Variants in POLN observed in about 807,000 individuals in gnomAD.
The protein encoded by POLN is DNA polymerase nu.
POLN carries 108 observed loss-of-function variants against 113.5 expected under a neutral mutation model. That is an observed-to-expected ratio of 0.95 (90% CI 0.81 to 1.12). The LOEUF (loss-of-function observed/expected upper bound fraction) is 1.12, where lower values mean the gene tolerates loss of function less well. POLN is among the 50% of genes most tolerant of loss of function. POLN has a pLI of 0.00. For synonymous variants in POLN, 386 were observed against 391.5 expected, an observed-to-expected ratio of 0.99 and a Z score of 0.17; for missense variants, 1,097 against 1,077.1, an observed-to-expected ratio of 1.02 and a Z score of -0.26.
chr4:2,241,059 G>C (rs1215109921), intron 2 of POLN: 1 of 750,948 alleles, frequency 1.3e-6, no homozygotes, highest in Admixed American at 2.8e-5. Flanking sequence ...CACAGAGAAG[G>C]GAAAATATAT....
At chr4:2,189,444 C>T (rs1191492100) in intron 7 of POLN, among the ~76,000 whole-genome samples, 1 of 150,916 alleles carries the variant, frequency 6.6e-6, no homozygotes, top group Non-Finnish European at 1.5e-5. Flanking sequence ...ACGAGACCAT[C>T]CTGGCTAACA....
intron 6 of POLN, among the ~76,000 whole-genome samples, chr4:2,197,642 C>T (rs1256344545): frequency 6.6e-6 from 1 of 152,152 alleles, no homozygotes; most frequent in African/African-American, 2.4e-5. Flanking sequence ...TAGACCTGAC[C>T]AGTTGTTCTT....
intron 2 of POLN, chr4:2,231,139 A>C (rs562070652): frequency 6.6e-6 from 1 of 152,338 alleles, no homozygotes; most frequent in East Asian, 1.9e-4. Flanking sequence ...TCTGTGGTAC[A>C]AGTAGGGACA....
At chr4:2,214,849 G>A (rs1258258117) in intron 3 of POLN, among the ~76,000 whole-genome samples, 2 of 151,436 alleles carry the variant, frequency 1.3e-5, no homozygotes, top group Non-Finnish European at 2.9e-5. Flanking sequence ...CTTAGGATAT[G>A]TGTGCTGTTT....
chr4:2,095,823 A>G, intron 20 of POLN, 28 bp downstream of exon 20: 1 of 1,606,404 alleles, frequency 6.2e-7, no homozygotes. Context: ...GGTAACCCCG[A>G]GACCCCAGCT....
intron 13 of POLN, among the ~76,000 whole-genome samples, chr4:2,159,630 G>T (rs1732527350): frequency 6.6e-6 from 1 of 152,178 alleles, no homozygotes; most frequent in Non-Finnish European, 1.5e-5. Context: ...AGTAAGAAAA[G>T]TTTGTTAATT....
intron 5 of POLN, among the ~76,000 whole-genome samples, chr4:2,206,650 C>CTCA (rs1284210691): frequency 6.6e-6 from 1 of 152,216 alleles, no homozygotes; most frequent in Non-Finnish European, 1.5e-5. Context: ...TGAAAAAATG[C>CTCA]TCATCATCAC....
intron 3 of POLN, 122 bp downstream of exon 3, chr4:2,228,977 G>C: frequency 2.1e-6 from 2 of 935,280 alleles, no homozygotes; most frequent in South Asian, 1.8e-5. Flanking sequence ...CACTGAATGA[G>C]TGTAAAAGGG....
chr4:2,202,292 C>G (rs1302724692), intron 5 of POLN, among the ~76,000 whole-genome samples: 2 of 152,184 alleles, frequency 1.3e-5, no homozygotes, highest in Non-Finnish European at 2.9e-5. Flanking sequence ...CTGCTGCCTT[C>G]AAGAGACTCA....
intron 3 of POLN, among the ~76,000 whole-genome samples, chr4:2,223,225 T>C (rs1484368373): frequency 6.6e-6 from 1 of 152,202 alleles, no homozygotes; most frequent in African/African-American, 2.4e-5. Flanking sequence ...TTCATTGTTA[T>C]GAAAACATCA....
Position 2,167,907 on chromosome 4 carries a change from AT to A in POLN, c.1554+2771del, listed in dbSNP as rs1249595439. On this transcript the variant is annotated intron_variant, in intron 13 of 25. Transcript: ENST00000511885. ...AGAGCAAGACTCTGTCTCAAAAAAA[AT>A]TTTTTTTTTAGAAATCAATAACAAA... 1.7e-4 allele frequency among the ~76,000 whole-genome samples: 26 copies of A among 150,934 alleles called. 1 individual carries two copies. Among genetic ancestry groups the A allele is most frequent in the East Asian group, 1.5e-3 (8 of 5,166 alleles).
intron 2 of POLN, chr4:2,232,170 G>A (rs1001536114): frequency 1.1e-5 from 14 of 1,283,800 alleles, no homozygotes; most frequent in Non-Finnish European, 1.5e-5. Context: ...CCTAAAAAAG[G>A]AAAATAAAAA....
chr4:2,099,315 C>T (rs530667375), intron 19 of POLN, among the ~76,000 whole-genome samples: 1 of 152,232 alleles, frequency 6.6e-6, no homozygotes. Context: ...AATACGCTGT[C>T]ACCCAGGTGA....
At chr4:2,205,678 G>A (rs1394969912) in intron 5 of POLN, among the ~76,000 whole-genome samples, 3 of 152,108 alleles carry the variant, frequency 2.0e-5, no homozygotes, top group African/African-American at 7.2e-5. Flanking sequence ...TTCGAGACCA[G>A]CCTGGTCAAT....
At chr4:2,208,578 G>T (rs1028771852) in intron 4 of POLN, 91 bp from the exon 5 acceptor site, 18 of 1,048,078 alleles carry the variant, frequency 1.7e-5, no homozygotes, top group Middle Eastern at 2.4e-4. Context: ...CTTGTCTAAG[G>T]TAATATGGAG....
intron 19 of POLN, among the ~76,000 whole-genome samples, chr4:2,121,006 G>A (rs1561009767): frequency 6.6e-6 from 1 of 152,160 alleles, no homozygotes; most frequent in Non-Finnish European, 1.5e-5. Flanking sequence ...TCTGCTAAGA[G>A]GGACAGTTTT....
Position 2,147,597 on chromosome 4 carries a change from A to T in POLN, c.1731+9191T>A, listed in dbSNP as rs548823055. ...ACCCCAAACCAAATGATTTTGAGACACTGAAAGACAATTCAAGAGTAGATC... is the reference window on the plus strand; with the variant it reads ...ACCCCAAACCAAATGATTTTGAGACTCTGAAAGACAATTCAAGAGTAGATC... On this transcript the variant is annotated intron_variant, in intron 16 of 25. Transcript: ENST00000511885. Among the ~76,000 whole-genome samples, 10 of 150,858 alleles carry T rather than the reference A, an allele frequency of 6.6e-5. No homozygotes were observed. The South Asian group carries it at 2.1e-3, about 32-fold the overall frequency.
chr4:2,242,027 A>C, intron 1 of POLN, 24 bp downstream of exon 1: 1 of 985,554 alleles, frequency 1.0e-6, no homozygotes, highest in African/African-American at 1.7e-5. Context: ...CCCTGCGCCC[A>C]GAACCGAGGC....
At chr4:2,189,829 G>C (rs1733393712) in intron 7 of POLN, among the ~76,000 whole-genome samples, 1 of 151,550 alleles carries the variant, frequency 6.6e-6, no homozygotes, top group Non-Finnish European at 1.5e-5. Flanking sequence ...AGGAGATCAA[G>C]ACCATCCTGG....
Sources: allele counts gnomAD v4.1 joint callset (sites outside exome capture counted in the v4.1 genomes callset), GRCh38; gene constraint gnomAD v4.1.1; transcripts MANE v1.5; gene names NCBI Gene and HGNC (gene_info 2026-07-23, HGNC 2026-07-21).